The following MARCHF5 variants were observed in gnomAD, a reference collection of about 807,000 sequenced individuals.
MARCHF5 encodes the protein E3 ubiquitin-protein ligase MARCHF5.
In MARCHF5, 5 loss-of-function variants were observed where a neutral mutation model predicts 36.5. The observed-to-expected ratio is 0.14, with a 90% CI of 0.07 to 0.29. MARCHF5 has a LOEUF of 0.29. Among genes scored for constraint, MARCHF5 ranks in the 10% least tolerant of loss-of-function variants. MARCHF5 has a pLI of 1.00. For missense variants in MARCHF5, 179 were observed against 336.3 expected, an observed-to-expected ratio of 0.53 and a Z score of 3.66; for synonymous variants, 103 against 109.9, an observed-to-expected ratio of 0.94 and a Z score of 0.39.
chr10:92,295,880 T>A (rs1296727044), intron 1 of MARCHF5, among the ~76,000 whole-genome samples: 1 of 145,402 alleles, frequency 6.9e-6, no homozygotes, highest in Non-Finnish European at 1.5e-5. Context: ...TATATGGAAT[T>A]TTTTTTTTTT....
rs1843710274 is a variant in MARCHF5 at position 92,351,172 on chromosome 10, A to C, written c.802A>C (p.Lys268Gln). The C allele has an allele frequency of 6.2e-7, 1 of 1,613,252 alleles. No individual in the cohort carries two copies. The highest frequency in any genetic ancestry group is 8.5e-7 in the Non-Finnish European group (1 of 1,179,352). ...QQQYLRQAHRKILNYPEQEEA is the reference protein window; with the variant it reads ...QQQYLRQAHRQILNYPEQEEA ...GCAATATTTACGACAGGCACACCGCAAAATTCTGAATTATCCAGAACAAGA... is the reference window on the plus strand; with the variant it reads ...GCAATATTTACGACAGGCACACCGCCAAATTCTGAATTATCCAGAACAAGA... The change falls in exon 6 of 6, where the codon AAA (lysine) becomes CAA (glutamine). Residue 268 changes from lysine (K) to glutamine (Q), a missense_variant. Physicochemically the swap from Lys to Gln is moderately conservative, Grantham distance 53. Transcript: ENST00000358935.
chr10:92,348,684 C>T (rs1030038485), intron 3 of MARCHF5, among the ~76,000 whole-genome samples: 4 of 152,144 alleles, frequency 2.6e-5, no homozygotes, highest in South Asian at 2.1e-4. Context: ...TCATTACCCC[C>T]ATAGATAGGG....
intron 2 of MARCHF5, among the ~76,000 whole-genome samples, chr10:92,337,512 C>G (rs188363806): frequency 0.012 from 1,839 of 152,054 alleles, 121 homozygotes; most frequent in Admixed American, 0.11. Flanking sequence ...GAGCAAAACT[C>G]CGTCTCAAAA....
chr10:92,340,537 A>G, intron 2 of MARCHF5, 136 bp from the exon 3 acceptor site: 2 of 750,990 alleles, frequency 2.7e-6, no homozygotes, highest in Non-Finnish European at 4.2e-6. Flanking sequence ...ATGCCACTGC[A>G]CTATAATCTG....
At chr10:92,295,474 C>G (rs528429924) in intron 1 of MARCHF5, among the ~76,000 whole-genome samples, 2 of 147,448 alleles carry the variant, frequency 1.4e-5, no homozygotes, top group South Asian at 2.2e-4. Context: ...GTGGCGCAAT[C>G]TTGGCTCGCT....
chr10:92,350,103 G>A (rs1843699341), intron 5 of MARCHF5: 1 of 367,026 alleles, frequency 2.7e-6, no homozygotes. Context: ...CTTGCCAGTG[G>A]GATTACAGTA....
At chr10:92,317,805 C>T (rs1231639985) in intron 2 of MARCHF5, among the ~76,000 whole-genome samples, 2 of 149,512 alleles carry the variant, frequency 1.3e-5, no homozygotes, top group Non-Finnish European at 3.0e-5. Context: ...GGCTGGAGTA[C>T]AGCGCCATGA....
intron 1 of MARCHF5, among the ~76,000 whole-genome samples, chr10:92,300,324 A>G (rs976613341): frequency 1.8e-4 from 28 of 151,900 alleles, no homozygotes; most frequent in Non-Finnish European, 2.2e-4. Flanking sequence ...TACTTAAAAA[A>G]AAAAAGAAAG....
At chr10:92,340,867 T>C (rs1843570310) in intron 3 of MARCHF5, 64 bp downstream of exon 3, 9 of 1,330,668 alleles carry the variant, frequency 6.8e-6, no homozygotes, top group Non-Finnish European at 8.1e-6. Flanking sequence ...CATTTTTTGT[T>C]AGACATTTAA....
intron 2 of MARCHF5, among the ~76,000 whole-genome samples, chr10:92,318,164 T>C (rs1352447686): frequency 6.6e-6 from 1 of 151,706 alleles, no homozygotes; most frequent in Non-Finnish European, 1.5e-5. Flanking sequence ...CCGTGGCTCA[T>C]ACCTGTAATC....
Position 92,339,450 on chromosome 10 carries a change from A to T in MARCHF5, c.239-1223A>T, listed in dbSNP as rs1397340525. ...TTTGGGAGGCTGAGGCGGGTGGATC[A>T]CCTGAGGTCAAGAGTTCGAGACCAA... On this transcript the variant is annotated intron_variant, in intron 2 of 5. Transcript: ENST00000358935. Among the ~76,000 whole-genome samples, 3 of 152,102 alleles carry T rather than the reference A, an allele frequency of 2.0e-5. No homozygotes were observed. The South Asian group carries it at 6.2e-4, about 32-fold the overall frequency.
At chr10:92,335,286 A>C (rs565857123) in intron 2 of MARCHF5, among the ~76,000 whole-genome samples, 1 of 152,288 alleles carries the variant, frequency 6.6e-6, no homozygotes, top group South Asian at 2.1e-4. Context: ...CCTGGCCCCA[A>C]ATCATGAGAT....
chr10:92,298,226 T>G (rs1842971054), intron 1 of MARCHF5, among the ~76,000 whole-genome samples: 1 of 152,238 alleles, frequency 6.6e-6, no homozygotes, highest in South Asian at 2.1e-4. Flanking sequence ...TTAGTAAATA[T>G]AATGACATTT....
intron 2 of MARCHF5, among the ~76,000 whole-genome samples, chr10:92,330,227 G>T (rs968705538): frequency 6.6e-6 from 1 of 152,132 alleles, no homozygotes; most frequent in Admixed American, 6.5e-5. Flanking sequence ...AGTTCCTTTT[G>T]TTTACTGCTG....
At chr10:92,295,063 A>G (rs941579581) in intron 1 of MARCHF5, among the ~76,000 whole-genome samples, 5 of 152,282 alleles carry the variant, frequency 3.3e-5, no homozygotes, top group Admixed American at 2.0e-4. Context: ...CAGTAAATCA[A>G]TTATTAAACA....
intron 2 of MARCHF5, among the ~76,000 whole-genome samples, chr10:92,316,980 A>G (rs1009619443): frequency 6.6e-6 from 1 of 152,222 alleles, no homozygotes; most frequent in African/African-American, 2.4e-5. Flanking sequence ...TTATAAATAA[A>G]ACCTGTCCAT....
intron 2 of MARCHF5, among the ~76,000 whole-genome samples, chr10:92,336,179 G>A (rs1167428434): frequency 6.6e-6 from 1 of 152,152 alleles, no homozygotes; most frequent in African/African-American, 2.4e-5. Context: ...GGGATTACAA[G>A]CACACACCAC....
chr10:92,334,738 G>T (rs1843483207), intron 2 of MARCHF5, among the ~76,000 whole-genome samples: 1 of 152,126 alleles, frequency 6.6e-6, no homozygotes, highest in South Asian at 2.1e-4. Context: ...TGCTATGTCT[G>T]CCAGACAAAA....
intron 2 of MARCHF5, among the ~76,000 whole-genome samples, chr10:92,313,355 A>G (rs1460601333): frequency 2.6e-5 from 4 of 152,146 alleles, no homozygotes; most frequent in African/African-American, 9.7e-5. Flanking sequence ...CTGTAATCCC[A>G]GCACTTTGGG....
Sources: gnomAD v4.1 joint callset for allele counts (sites outside exome capture counted in the v4.1 genomes callset) on GRCh38, gnomAD v4.1.1 for gene constraint, MANE v1.5 for transcripts, NCBI Gene and HGNC (gene_info 2026-07-23, HGNC 2026-07-21) for gene names.